TLE1: variants seen among roughly 807,000 people sequenced by gnomAD.
The protein encoded by TLE1 is transducin-like enhancer protein 1.
A neutral mutation model predicts 89.8 loss-of-function variants in TLE1; 21 were observed. The observed-to-expected ratio is 0.23, with a 90% CI of 0.17 to 0.34. The LOEUF is 0.34. TLE1 is among the 10% of genes least tolerant of loss of function. The pLI, the probability that TLE1 is intolerant of heterozygous loss-of-function variation, is 1.00. For missense variants in TLE1, 795 were observed against 1,031.2 expected (o/e 0.77, Z 3.14); for synonymous variants, 447 against 407.6 (o/e 1.10, Z -1.16).
At chr9:81,650,198 A>G (rs1405951816) in intron 6 of TLE1, among the ~76,000 whole-genome samples, 13 of 152,172 alleles carry the variant, frequency 8.5e-5, no homozygotes, top group Admixed American at 8.5e-4. Context: ...AAGATCTGCT[A>G]TTTTTATTCT....
intron 6 of TLE1, among the ~76,000 whole-genome samples, chr9:81,650,283 CA>C (rs1204635488): frequency 6.6e-6 from 1 of 152,172 alleles, no homozygotes; most frequent in Non-Finnish European, 1.5e-5. Flanking sequence ...AGTGTAGGTG[CA>C]AAGGAGATTC....
At chr9:81,687,047 A>C (rs1834375955) in intron 2 of TLE1, among the ~76,000 whole-genome samples, 4 of 152,216 alleles carry the variant, frequency 2.6e-5, no homozygotes, top group Admixed American at 2.6e-4. Context: ...TAAATACATG[A>C]AGTGCAAATA....
rs200178334 is a variant in TLE1 at position 81,661,124 on chromosome 9, AAAATAAAAAT to A, written c.235-7098_235-7089del. Among the ~76,000 whole-genome samples the A allele has an allele frequency of 6.5e-3, 980 of 150,064 alleles. 7 individuals carry two copies. Among genetic ancestry groups the A allele is most frequent in the African/African-American group, 0.022 (907 of 40,990 alleles). On this transcript the variant is annotated intron_variant, in intron 4 of 19. Coordinates refer to ENST00000376499, the MANE Select transcript of TLE1 (RefSeq NM_005077.5). Reference sequence around the variant, plus strand: ...CCTGGCAGAGTGAGACTCGGTCTCAAAAATAAAAATAAATAAAAATAAATAAAAATAAAAA... The same window carrying A: ...CCTGGCAGAGTGAGACTCGGTCTCAAAAATAAAAATAAATAAAAATAAAAA...
chr9:81,630,966 T>G (rs1284338473), intron 8 of TLE1, among the ~76,000 whole-genome samples: 1 of 152,236 alleles, frequency 6.6e-6, no homozygotes, highest in African/African-American at 2.4e-5. Flanking sequence ...TTTTCCCATT[T>G]TAATCATCAT....
At chr9:81,655,299 G>A (rs1260502604) in intron 4 of TLE1, among the ~76,000 whole-genome samples, 1 of 152,030 alleles carries the variant, frequency 6.6e-6, no homozygotes, top group Non-Finnish European at 1.5e-5. Context: ...GGAGGTGCAG[G>A]CTGCAGTGAG....
At chr9:81,604,564 TCA>T (rs1198032378) in intron 14 of TLE1, among the ~76,000 whole-genome samples, 1 of 152,168 alleles carries the variant, frequency 6.6e-6, no homozygotes, top group Non-Finnish European at 1.5e-5. Flanking sequence ...AGAAGAGTTT[TCA>T]CACAGTCATG....
At chr9:81,613,133 G>A (rs60422400) in intron 12 of TLE1, among the ~76,000 whole-genome samples, 2,566 of 152,314 alleles carry the variant, frequency 0.017, 81 homozygotes, top group African/African-American at 0.059. Context: ...GGACAAGAGC[G>A]AGACTTCGTC....
intron 7 of TLE1, chr9:81,633,601 T>C (rs1414221602): frequency 3.4e-6 from 2 of 584,908 alleles, no homozygotes; most frequent in Admixed American, 3.1e-5. Context: ...TTTTATTTCT[T>C]GACAGAATAA....
chr9:81,668,464 C>A (rs999452003), intron 4 of TLE1, among the ~76,000 whole-genome samples: 1 of 152,028 alleles, frequency 6.6e-6, no homozygotes, highest in African/African-American at 2.4e-5. Flanking sequence ...TTGACTCACC[C>A]ATGCATGTGG....
chr9:81,652,876 C>T (rs1192369534), intron 5 of TLE1, among the ~76,000 whole-genome samples: 4 of 152,040 alleles, frequency 2.6e-5, no homozygotes, highest in African/African-American at 9.7e-5. Context: ...CAATCTTGAC[C>T]CACCAGTCAT....
chr9:81,670,791 T>C (rs1443884722), intron 4 of TLE1, among the ~76,000 whole-genome samples: 1 of 151,300 alleles, frequency 6.6e-6, no homozygotes, highest in Admixed American at 6.6e-5. Flanking sequence ...ACCCAAACAA[T>C]GGCTGCATAA....
chr9:81,592,882 C>T (rs1351998624), intron 15 of TLE1, 143 bp downstream of exon 15: 27 of 1,184,100 alleles, frequency 2.3e-5, no homozygotes, highest in African/African-American at 3.1e-5. Context: ...AATGGGGAGC[C>T]GAGGGGGTTA....
intron 11 of TLE1, among the ~76,000 whole-genome samples, chr9:81,615,511 A>C: frequency 6.8e-6 from 1 of 147,956 alleles, no homozygotes; most frequent in East Asian, 2.0e-4. Context: ...CCAGCCTGAC[A>C]AACATGGCAA....
chr9:81,615,727 AAAGAAG>A (rs1184572103), intron 11 of TLE1, among the ~76,000 whole-genome samples: 16 of 147,124 alleles, frequency 1.1e-4, no homozygotes, highest in Non-Finnish European at 1.8e-4. Context: ...AAAAAAAAAA[AAAGAAG>A]AAGAAGAAGA....
intron 6 of TLE1, among the ~76,000 whole-genome samples, chr9:81,639,849 G>T (rs1009609453): frequency 6.6e-6 from 1 of 152,114 alleles, no homozygotes; most frequent in African/African-American, 2.4e-5. Context: ...CTCCCAAAGT[G>T]CTGGGATTAC....
At chr9:81,684,316 A>C (rs2133157587) in intron 4 of TLE1, among the ~76,000 whole-genome samples, 1 of 152,304 alleles carries the variant, frequency 6.6e-6, no homozygotes, top group Non-Finnish European at 1.5e-5. Flanking sequence ...AAAGGCACAA[A>C]CCCAACATAA....
intron 14 of TLE1, among the ~76,000 whole-genome samples, chr9:81,608,901 C>A (rs906819409): frequency 6.6e-6 from 1 of 151,502 alleles, no homozygotes; most frequent in Non-Finnish European, 1.5e-5. Flanking sequence ...CGCACCACTG[C>A]ACTCCAGCCT....
chr9:81,654,506 A>G (rs1310770380), intron 4 of TLE1, among the ~76,000 whole-genome samples: 2 of 151,972 alleles, frequency 1.3e-5, no homozygotes, highest in Non-Finnish European at 2.9e-5. Flanking sequence ...ACTCCCGGCT[A>G]ATTTTTTTCT....
chr9:81,594,387 A>T (rs1440589783), intron 14 of TLE1, among the ~76,000 whole-genome samples: 1 of 152,186 alleles, frequency 6.6e-6, no homozygotes, highest in Non-Finnish European at 1.5e-5. Flanking sequence ...TTGCAGGGAC[A>T]TGGATGAAAC....
Sources: gnomAD v4.1 joint callset for allele counts (sites outside exome capture counted in the v4.1 genomes callset) on GRCh38, gnomAD v4.1.1 for gene constraint, MANE v1.5 for transcripts, NCBI Gene and HGNC (gene_info 2026-07-23, HGNC 2026-07-21) for gene names.